UVRAG: variants seen among roughly 807,000 people sequenced by gnomAD.
UVRAG encodes the protein UV radiation resistance associated, also known as UV radiation resistance-associated gene protein.
UVRAG carries 19 observed loss-of-function variants against 78.0 expected under a neutral mutation model. The ratio of observed to expected loss-of-function variants is 0.24; its 90% confidence interval spans 0.17 to 0.36. The LOEUF is 0.36. UVRAG is among the 10% of genes least tolerant of loss of function. UVRAG has a pLI of 1.00. For missense variants in UVRAG, 740 were observed against 853.8 expected, an observed-to-expected ratio of 0.87 and a Z score of 1.66; for synonymous variants, 323 against 324.6, an observed-to-expected ratio of 1.00 and a Z score of 0.05.
At chr11:76,032,191 G>C (rs976716589) in intron 12 of UVRAG, among the ~76,000 whole-genome samples, 1 of 152,166 alleles carries the variant, frequency 6.6e-6, no homozygotes, top group Non-Finnish European at 1.5e-5. Flanking sequence ...TCTCATAATA[G>C]TTCTCTAGAC....
chr11:75,864,259 T>C (rs1220664011), intron 3 of UVRAG, among the ~76,000 whole-genome samples: 1 of 152,140 alleles, frequency 6.6e-6, no homozygotes, highest in Non-Finnish European at 1.5e-5. Context: ...TTTCACCATG[T>C]TACCCAGGCT....
intron 1 of UVRAG, among the ~76,000 whole-genome samples, chr11:75,848,151 T>C (rs1326428762): frequency 6.6e-6 from 1 of 150,866 alleles, no homozygotes; most frequent in African/African-American, 2.4e-5. Flanking sequence ...TGAGCTACGA[T>C]CTACCACTGT....
At chr11:75,993,871 G>GC (rs1949658248) in intron 8 of UVRAG, among the ~76,000 whole-genome samples, 1 of 152,148 alleles carries the variant, frequency 6.6e-6, no homozygotes, top group East Asian at 1.9e-4. Context: ...GGAAGGTGAA[G>GC]CCAGTACAGG....
intron 6 of UVRAG, chr11:75,914,618 C>G (rs1372604204): frequency 1.3e-5 from 2 of 152,342 alleles, no homozygotes; most frequent in Admixed American, 6.5e-5. Context: ...CTCAGCCTCC[C>G]GAGTAGCTGG....
chr11:75,908,622 T>C (rs1338630028), intron 5 of UVRAG, among the ~76,000 whole-genome samples: 3 of 152,060 alleles, frequency 2.0e-5, no homozygotes, highest in African/African-American at 7.2e-5. Context: ...TTAAGAAGTA[T>C]TTCCTTGCTT....
At chr11:75,858,735 C>T (rs1290160550) in intron 2 of UVRAG, among the ~76,000 whole-genome samples, 3 of 152,224 alleles carry the variant, frequency 2.0e-5, no homozygotes, top group African/African-American at 7.2e-5. Flanking sequence ...CTCCCCACAG[C>T]TTCAACCACC....
At chr11:76,086,054 A>G (rs1301032995) in intron 13 of UVRAG, among the ~76,000 whole-genome samples, 3 of 152,218 alleles carry the variant, frequency 2.0e-5, no homozygotes, top group Admixed American at 2.0e-4. Context: ...GTAAGCAGAT[A>G]GCTGACTAAC....
At chr11:75,973,974 A>G (rs1221472088) in intron 7 of UVRAG, among the ~76,000 whole-genome samples, 1 of 152,152 alleles carries the variant, frequency 6.6e-6, no homozygotes, top group Non-Finnish European at 1.5e-5. Flanking sequence ...ATTTGGGTTG[A>G]TTCCAAGTCT....
At chr11:75,835,272 GTAAC>G (rs1457272307) in intron 1 of UVRAG, 3 of 152,172 alleles carry the variant, frequency 2.0e-5, no homozygotes, top group Non-Finnish European at 2.9e-5. Flanking sequence ...AATTTGATCT[GTAAC>G]TGACTGTGAA....
At chr11:75,989,277 A>G (rs1236007623) in intron 8 of UVRAG, among the ~76,000 whole-genome samples, 2 of 151,330 alleles carry the variant, frequency 1.3e-5, no homozygotes, top group Non-Finnish European at 2.9e-5. Flanking sequence ...CCGGTCTTGA[A>G]CTCCTGACCC....
At chr11:75,841,365 T>G (rs1328916939) in intron 1 of UVRAG, among the ~76,000 whole-genome samples, 1 of 152,226 alleles carries the variant, frequency 6.6e-6, no homozygotes, top group Non-Finnish European at 1.5e-5. Context: ...GTTAAAAGAT[T>G]GTTAACTAAA....
At chr11:75,957,964 C>T (rs1463309361) in intron 6 of UVRAG, among the ~76,000 whole-genome samples, 2 of 152,028 alleles carry the variant, frequency 1.3e-5, no homozygotes, top group African/African-American at 2.4e-5. Context: ...TTTCCCAGTG[C>T]GTATAAAAGT....
chr11:76,044,420 C>A (rs919431523), intron 12 of UVRAG, among the ~76,000 whole-genome samples: 5 of 152,324 alleles, frequency 3.3e-5, no homozygotes, highest in Non-Finnish European at 7.4e-5. Context: ...TCTGACTGAA[C>A]AAATGTGCTT....
chr11:75,990,755 C>G (rs528457224), intron 8 of UVRAG, among the ~76,000 whole-genome samples: 8 of 152,146 alleles, frequency 5.3e-5, no homozygotes, highest in Non-Finnish European at 1.2e-4. Flanking sequence ...TTCCATAGCA[C>G]CCTATATTTT....
At chr11:75,965,801 A>T (rs949334294) in intron 7 of UVRAG, among the ~76,000 whole-genome samples, 2 of 152,154 alleles carry the variant, frequency 1.3e-5, no homozygotes, top group African/African-American at 4.8e-5. Context: ...ATATTAACTT[A>T]TTCATTATGC....
At chr11:75,935,534 A>G (rs1948353157) in intron 6 of UVRAG, among the ~76,000 whole-genome samples, 1 of 152,100 alleles carries the variant, frequency 6.6e-6, no homozygotes, top group South Asian at 2.1e-4. Flanking sequence ...GGATTAAAAG[A>G]TTGGACAGGC....
At chr11:75,895,252 T>G (rs1033825355) in intron 5 of UVRAG, among the ~76,000 whole-genome samples, 6 of 152,214 alleles carry the variant, frequency 3.9e-5, no homozygotes, top group Admixed American at 1.3e-4. Flanking sequence ...GCTGATGATT[T>G]TGTTGATGTT....
chr11:75,951,671 C>G (rs916463246), intron 6 of UVRAG, among the ~76,000 whole-genome samples: 3 of 152,152 alleles, frequency 2.0e-5, no homozygotes, highest in Non-Finnish European at 4.4e-5. Flanking sequence ...CGTGAACCAC[C>G]GCACCCAGCC....
intron 6 of UVRAG, chr11:75,930,933 TTC>T (rs1035028850): frequency 1.5e-5 from 2 of 130,816 alleles, no homozygotes; most frequent in African/African-American, 3.2e-5. Context: ...GGGATTTTCT[TTC>T]TTTCTTTCTT....
Sources: gnomAD v4.1 joint callset for allele counts (sites outside exome capture counted in the v4.1 genomes callset) on GRCh38, gnomAD v4.1.1 for gene constraint, MANE v1.5 for transcripts, NCBI Gene and HGNC (gene_info 2026-07-23, HGNC 2026-07-21) for gene names.